Variants in TRAPPC8 observed in about 807,000 individuals in gnomAD.
The protein encoded by TRAPPC8 is trafficking protein particle complex subunit 8, also known as general sporulation gene 1 homolog.
TRAPPC8 carries 54 observed loss-of-function variants against 174.3 expected under a neutral mutation model. The observed-to-expected ratio is 0.31, with a 90% CI of 0.25 to 0.39. The LOEUF is 0.39. Ranked by LOEUF, TRAPPC8 falls within the 10% of genes least tolerant of loss-of-function variation. The pLI, the probability that TRAPPC8 is intolerant of heterozygous loss-of-function variation, is 1.00. For synonymous variants in TRAPPC8, 630 were observed against 579.9 expected (o/e 1.09, Z -1.24); for missense variants, 1,531 against 1,699.1 (o/e 0.90, Z 1.74).
chr18:31,860,838 T>C (rs538492581), intron 19 of TRAPPC8, among the ~76,000 whole-genome samples: 16 of 152,338 alleles, frequency 1.1e-4, no homozygotes, highest in Non-Finnish European at 1.8e-4. Context: ...CCCATCATAT[T>C]CTCCTTTCAA....
In TRAPPC8 at chr18:31,897,819, C is replaced by A; in HGVS notation, c.1563G>T (p.Glu521Asp). ...TCAACCGTATTAGGAGAGCTGCAGC[C>A]TCTGAATATTTGCTTTGGCTTTTTA... The part of the protein sequence containing the change: ...ELLKSQSKYS[E>D]AAALLIRLTS... Residue 521 changes from glutamate (E) to aspartate (D), a missense_variant, in exon 11 of 29, where the codon GAG becomes GAT. Transcript: ENST00000283351. 2 of 1,611,400 alleles carry A rather than the reference C, an allele frequency of 1.2e-6. No homozygotes were observed. The highest frequency in any genetic ancestry group is 1.7e-6 in the Non-Finnish European group (2 of 1,178,384).
At chr18:31,868,560 T>C (rs757001553) in intron 16 of TRAPPC8, among the ~76,000 whole-genome samples, 9 of 152,156 alleles carry the variant, frequency 5.9e-5, no homozygotes, top group Non-Finnish European at 1.3e-4. Context: ...ATTGCAGAAG[T>C]TGCTAAAATT....
intron 2 of TRAPPC8, 134 bp downstream of exon 2, chr18:31,931,195 T>C: frequency 1.4e-6 from 1 of 728,382 alleles, no homozygotes; most frequent in Admixed American, 3.8e-5. Context: ...AGGACTGTTT[T>C]CAACATTGTA....
intron 12 of TRAPPC8, among the ~76,000 whole-genome samples, chr18:31,887,359 G>C (rs1383710186): frequency 1.3e-5 from 2 of 152,052 alleles, no homozygotes; most frequent in African/African-American, 4.8e-5. Context: ...AAAATAGTAA[G>C]AGCTGGCTGG....
At chr18:31,843,194 A>G (rs2033199729) in intron 26 of TRAPPC8, among the ~76,000 whole-genome samples, 1 of 152,200 alleles carries the variant, frequency 6.6e-6, no homozygotes, top group Admixed American at 6.5e-5. Context: ...AAATAACAAG[A>G]GAAATTATAA....
chr18:31,840,677 T>G (rs1242740653), intron 26 of TRAPPC8, among the ~76,000 whole-genome samples: 3 of 152,212 alleles, frequency 2.0e-5, no homozygotes, highest in African/African-American at 7.2e-5. Flanking sequence ...TGGCTGCTTT[T>G]TGACTTCAAT....
In TRAPPC8 at chr18:31,886,159, C is replaced by T. The variant is rs571208938; in HGVS notation, c.1728+4576G>A. Among the ~76,000 whole-genome samples, 13 of 151,478 alleles carry T rather than the reference C, an allele frequency of 8.6e-5. No individual in the cohort carries two copies. The East Asian group carries it at 1.6e-3, about 18-fold the overall frequency. Reference sequence around the variant, plus strand: ...TAGCTGGGATTACAGGCATGCGCCACCATGCCTGGCTAATTTTTTTCGTAT... The same window carrying T: ...TAGCTGGGATTACAGGCATGCGCCATCATGCCTGGCTAATTTTTTTCGTAT... On this transcript the variant is annotated intron_variant, in intron 12 of 28. Coordinates refer to ENST00000283351, the MANE Select transcript of TRAPPC8 (RefSeq NM_014939.5).
intron 27 of TRAPPC8, among the ~76,000 whole-genome samples, chr18:31,836,909 C>T (rs1179159159): frequency 5.3e-5 from 8 of 151,696 alleles, no homozygotes; most frequent in Admixed American, 4.6e-4. Context: ...CTACAGGTGC[C>T]CGCCACCACA....
At chr18:31,889,567 AG>A (rs1393713924) in intron 12 of TRAPPC8, among the ~76,000 whole-genome samples, 2 of 152,344 alleles carry the variant, frequency 1.3e-5, no homozygotes, top group African/African-American at 4.8e-5. Context: ...AACATGTTTC[AG>A]ATGCACTTGC....
chr18:31,852,850 T>C, intron 22 of TRAPPC8, 187 bp from the exon 23 acceptor site: 1 of 581,128 alleles, frequency 1.7e-6, no homozygotes, highest in Non-Finnish European at 3.0e-6. Flanking sequence ...TTCAATTTTC[T>C]CAAAATACAT....
rs116641967 is a variant in TRAPPC8 at position 31,884,222 on chromosome 18, G to C, written c.1728+6513C>G. 4.6e-3 allele frequency among the ~76,000 whole-genome samples: 695 copies of C among 152,288 alleles called. 4 individuals are homozygous for C. Among genetic ancestry groups the C allele is most frequent in the African/African-American group, 0.016 (667 of 41,564 alleles). On this transcript the variant is annotated intron_variant, in intron 12 of 28. Coordinates refer to ENST00000283351, the MANE Select transcript of TRAPPC8 (RefSeq NM_014939.5). Reference sequence around the variant, plus strand: ...AAACAAAACCAGATGGGAGTTTCCAGAGCATTAGCATATGGAGACATGGAT... The same window carrying C: ...AAACAAAACCAGATGGGAGTTTCCACAGCATTAGCATATGGAGACATGGAT...
chr18:31,908,732 A>G (rs1307467394), intron 7 of TRAPPC8, 22 bp downstream of exon 7: 2 of 1,521,936 alleles, frequency 1.3e-6, no homozygotes, highest in Admixed American at 4.3e-5. Context: ...TTAAAATACT[A>G]ATCCAAAAAA....
chr18:31,874,098 C>T (rs950515130), intron 13 of TRAPPC8: 19 of 240,510 alleles, frequency 7.9e-5, no homozygotes, highest in Non-Finnish European at 1.3e-4. Flanking sequence ...TCATCTTTCA[C>T]AAGGAAAAGA....
chr18:31,848,246 T>G (rs2033512114), intron 25 of TRAPPC8, among the ~76,000 whole-genome samples: 3 of 152,184 alleles, frequency 2.0e-5, no homozygotes. Flanking sequence ...AACTTTCTTC[T>G]TTATGTGATT....
chr18:31,912,291 G>C (rs1175654114), intron 5 of TRAPPC8, among the ~76,000 whole-genome samples: 2 of 152,226 alleles, frequency 1.3e-5, no homozygotes, highest in South Asian at 2.1e-4. Context: ...AAGAGTTCGA[G>C]ACCAGCCTGA....
At chr18:31,898,360 T>TA (rs2036271210) in intron 10 of TRAPPC8, among the ~76,000 whole-genome samples, 1 of 152,150 alleles carries the variant, frequency 6.6e-6, no homozygotes, top group African/African-American at 2.4e-5. Flanking sequence ...AAAGGTTTTT[T>TA]AAAAAAATCT....
intron 1 of TRAPPC8, chr18:31,937,601 A>G (rs934632602): frequency 2.0e-5 from 3 of 152,226 alleles, no homozygotes; most frequent in Admixed American, 1.3e-4. Context: ...GCTCCTGCAC[A>G]AGGATCACAC....
intron 12 of TRAPPC8, chr18:31,883,277 G>A (rs998081574): frequency 6.7e-6 from 1 of 149,692 alleles, no homozygotes; most frequent in African/African-American, 2.5e-5. Flanking sequence ...AGTGCCAGCA[G>A]CAGTATGTCT....
chr18:31,882,235 A>G (rs529697217), intron 12 of TRAPPC8, among the ~76,000 whole-genome samples: 1 of 152,350 alleles, frequency 6.6e-6, no homozygotes, highest in Non-Finnish European at 1.5e-5. Context: ...TGTATAAAGA[A>G]AATGTGGTAC....
Sources: allele counts gnomAD v4.1 joint callset (sites outside exome capture counted in the v4.1 genomes callset), GRCh38; gene constraint gnomAD v4.1.1; transcripts MANE v1.5; gene names NCBI Gene and HGNC (gene_info 2026-07-23, HGNC 2026-07-21).